Variants in DSCAML1 observed in about 807,000 individuals in gnomAD.
DSCAML1 encodes cell adhesion molecule DSCAML1.
DSCAML1 carries 38 observed loss-of-function variants against 200.5 expected under a neutral mutation model. The observed-to-expected ratio is 0.19, with a 90% CI of 0.15 to 0.25. The LOEUF is 0.25. Ranked by LOEUF, DSCAML1 falls within the 10% of genes least tolerant of loss-of-function variation. The pLI is 1.00. For synonymous variants in DSCAML1, 1,215 were observed against 1,165.0 expected, an observed-to-expected ratio of 1.04 and a Z score of -0.87; for missense variants, 2,223 against 2,858.8, an observed-to-expected ratio of 0.78 and a Z score of 5.07.
chr11:117,487,134 AGGCTGGTCTT>A (rs531269781), intron 11 of DSCAML1, among the ~76,000 whole-genome samples: 86 of 152,032 alleles, frequency 5.7e-4, no homozygotes, highest in African/African-American at 1.9e-3. Flanking sequence ...CATATTGGTC[AGGCTGGTCTT>A]GAACTCCTGA....
chr11:117,622,450 G>T (rs777844981), intron 3 of DSCAML1, among the ~76,000 whole-genome samples: 1 of 152,172 alleles, frequency 6.6e-6, no homozygotes, highest in Admixed American at 6.5e-5. Flanking sequence ...ATGGTGGTGA[G>T]CCTATAAAGC....
At chr11:117,619,927 T>C (rs964812299) in intron 3 of DSCAML1, among the ~76,000 whole-genome samples, 1 of 152,214 alleles carries the variant, frequency 6.6e-6, no homozygotes, top group African/African-American at 2.4e-5. Flanking sequence ...CTTCTATGTA[T>C]TAGCTTTGAG....
rs1017102456 is a variant in DSCAML1 at position 117,428,061 on chromosome 11, A to G, written c.*267T>C. The G allele has an allele frequency of 7.0e-5, 26 of 373,518 alleles. No individual in the cohort carries two copies. The highest frequency in any genetic ancestry group is 1.2e-4 in the Non-Finnish European group (25 of 206,530). The allele number at this position is 373,518 out of a possible 1,614,324, so 23.1% of individuals were successfully genotyped here. On this transcript the variant is annotated 3_prime_UTR_variant, in exon 33 of 33. Coordinates refer to ENST00000651296, the MANE Select transcript of DSCAML1 (RefSeq NM_020693.4). ...CGCGTTCCTGTCTGTCTATATATGTATATATATCTCCACACATATTTTGTG... is the reference window on the plus strand; with the variant it reads ...CGCGTTCCTGTCTGTCTATATATGTGTATATATCTCCACACATATTTTGTG...
At position 117,642,568 on chromosome 11, in the gene DSCAML1, A is replaced by T. The variant is rs1432499721; in HGVS notation, c.512-110046T>A. Among the ~76,000 whole-genome samples, 4 of 152,182 alleles carry T rather than the reference A, an allele frequency of 2.6e-5. No homozygotes were observed. Among genetic ancestry groups the T allele is most frequent in the African/African-American group, 9.6e-5 (4 of 41,456 alleles). On this transcript the variant is annotated intron_variant, in intron 3 of 32. Transcript: ENST00000651296. The surrounding 1 kb of genome is among the most constrained non-coding windows in gnomAD (Gnocchi z 4.1). ...GCCTGGCGAGGGGCTGGAAGGAGCA[A>T]TGGTGAGACACAGTGGGGCTGTATC...
intron 3 of DSCAML1, among the ~76,000 whole-genome samples, chr11:117,602,836 C>T (rs1020024425): frequency 5.3e-5 from 8 of 152,062 alleles, no homozygotes; most frequent in Non-Finnish European, 8.8e-5. Context: ...GGGTGGCTCA[C>T]GCCTGTAAGC....
chr11:117,607,069 GAGA>G (rs544908832), intron 3 of DSCAML1, among the ~76,000 whole-genome samples: 5 of 152,330 alleles, frequency 3.3e-5, no homozygotes, highest in Admixed American at 3.3e-4. Flanking sequence ...ATGCCCAGCA[GAGA>G]AGGTCTCCTT....
chr11:117,432,857 C>G (rs541528), intron 29 of DSCAML1, among the ~76,000 whole-genome samples: 1 of 151,986 alleles, frequency 6.6e-6, no homozygotes, highest in African/African-American at 2.4e-5. Context: ...GTGATCCTCC[C>G]TCCTTGGCCT....
At chr11:117,696,454 A>G (rs1355426270) in intron 3 of DSCAML1, among the ~76,000 whole-genome samples, 3 of 152,186 alleles carry the variant, frequency 2.0e-5, no homozygotes, top group Non-Finnish European at 4.4e-5. Flanking sequence ...TAAATGTATA[A>G]TGTGCTCTTT....
At chr11:117,487,245 C>T (rs2049092272) in intron 11 of DSCAML1, among the ~76,000 whole-genome samples, 1 of 152,032 alleles carries the variant, frequency 6.6e-6, no homozygotes, top group Admixed American at 6.6e-5. Flanking sequence ...TTTATATTGA[C>T]TATCTGTTAA....
At chr11:117,734,027 T>A (rs558193370) in intron 3 of DSCAML1, among the ~76,000 whole-genome samples, 20 of 152,144 alleles carry the variant, frequency 1.3e-4, no homozygotes, top group African/African-American at 3.4e-4. Flanking sequence ...ACCAATTGCA[T>A]GCATGTAAGC....
At position 117,428,438 on chromosome 11, in the gene DSCAML1, T is replaced by G; in HGVS notation, c.6052A>C (p.Thr2018Pro). ...TEPPRAGGPH[T>P]KMGGSRDSLL... ...GAGTCCCTGGAGCCCCCCATTTTGGTGTGTGGGCCCCCGGCTCGTGGAGGC... is the reference window on the plus strand; with the variant it reads ...GAGTCCCTGGAGCCCCCCATTTTGGGGTGTGGGCCCCCGGCTCGTGGAGGC... The change falls in exon 33 of 33, where the codon ACC becomes CCC. Residue 2018 changes from threonine to proline, a missense_variant. Physicochemically the swap from Thr to Pro is conservative, Grantham distance 38. Transcript: ENST00000651296. 1 of 1,538,428 alleles carries G rather than the reference T, an allele frequency of 6.5e-7. No individual in the cohort carries two copies. Among genetic ancestry groups the G allele is most frequent in the Non-Finnish European group, 8.7e-7 (1 of 1,144,942 alleles).
chr11:117,810,371 GC>G (rs1383349968), intron 1 of DSCAML1, among the ~76,000 whole-genome samples: 2 of 148,942 alleles, frequency 1.3e-5, no homozygotes, highest in Non-Finnish European at 3.0e-5. Context: ...CCTTATTTCC[GC>G]ACCCCGACCT....
At chr11:117,672,102 G>GGAAAAAAAAAGAAAAAAA (rs1555196987) in intron 3 of DSCAML1, among the ~76,000 whole-genome samples, 6 of 94,508 alleles carry the variant, frequency 6.3e-5, no homozygotes, top group South Asian at 3.6e-4. Flanking sequence ...CTCCAGCTCA[G>GGAAAAAAAAAGAAAAAAA]AAAAAAAAAA....
intron 3 of DSCAML1, among the ~76,000 whole-genome samples, chr11:117,590,162 CT>C (rs1467126230): frequency 6.6e-6 from 1 of 152,194 alleles, no homozygotes; most frequent in African/African-American, 2.4e-5. Flanking sequence ...GGCTAGATCA[CT>C]TTTTTTAAAA....
At chr11:117,551,062 C>A (rs1407863292) in intron 3 of DSCAML1, among the ~76,000 whole-genome samples, 1 of 152,138 alleles carries the variant, frequency 6.6e-6, no homozygotes, top group Non-Finnish European at 1.5e-5. Flanking sequence ...TTTCCTGCCC[C>A]CTCTTCTCAG....
intron 1 of DSCAML1, among the ~76,000 whole-genome samples, chr11:117,796,591 C>T (rs527607773): frequency 1.3e-5 from 2 of 152,336 alleles, no homozygotes; most frequent in South Asian, 4.1e-4. Context: ...ACGGACATAG[C>T]GGAGGAATCA....
intron 3 of DSCAML1, among the ~76,000 whole-genome samples, chr11:117,775,312 T>C (rs1187595692): frequency 2.0e-5 from 3 of 152,230 alleles, no homozygotes; most frequent in Admixed American, 6.5e-5. Flanking sequence ...CCGCTTCTTC[T>C]GGCTGCGTCC....
At chr11:117,435,582 G>C (rs749439112) in intron 27 of DSCAML1, 62 bp downstream of exon 27, 30 of 1,526,808 alleles carry the variant, frequency 2.0e-5, no homozygotes, top group Non-Finnish European at 2.6e-5. Context: ...CAGGGAAGGG[G>C]GGGGACAATG....
chr11:117,786,009 C>G (rs962337885), intron 1 of DSCAML1, among the ~76,000 whole-genome samples: 1 of 152,152 alleles, frequency 6.6e-6, no homozygotes, highest in Non-Finnish European at 1.5e-5. Flanking sequence ...TCCCCTCATG[C>G]CTTCTCTCCA....
Sources: allele counts gnomAD v4.1 joint callset (sites outside exome capture counted in the v4.1 genomes callset), GRCh38; gene constraint gnomAD v4.1.1; non-coding constraint Gnocchi (gnomAD v3.1); transcripts MANE v1.5; gene names NCBI Gene and HGNC (gene_info 2026-07-23, HGNC 2026-07-21).